OSBPL9: variants seen among roughly 807,000 people sequenced by gnomAD.
The protein encoded by OSBPL9 is oxysterol-binding protein-related protein 9.
A neutral mutation model predicts 106.6 loss-of-function variants in OSBPL9; 40 were observed. The ratio of observed to expected loss-of-function variants is 0.38; its 90% CI spans 0.29 to 0.49. The LOEUF (loss-of-function observed/expected upper bound fraction) is 0.49. Ranked by LOEUF, OSBPL9 falls within the 20% of genes least tolerant of loss-of-function variation. The pLI is 0.97. For synonymous variants in OSBPL9, 269 were observed against 295.4 expected, an observed-to-expected ratio of 0.91 and a Z score of 0.92; for missense variants, 609 against 887.2, an observed-to-expected ratio of 0.69 and a Z score of 3.98.
intron 2 of OSBPL9, among the ~76,000 whole-genome samples, chr1:51,600,983 A>C (rs1046071188): frequency 6.6e-6 from 1 of 152,220 alleles, no homozygotes; most frequent in African/African-American, 2.4e-5. Flanking sequence ...AATTCAGATC[A>C]GGAAGGATTA....
intron 4 of OSBPL9, among the ~76,000 whole-genome samples, chr1:51,731,271 C>T (rs575854004): frequency 7.3e-5 from 11 of 151,472 alleles, no homozygotes; most frequent in Non-Finnish European, 1.2e-4. Context: ...ACCTTCCCCC[C>T]GCCCCTGCCC....
chr1:51,704,151 A>C (rs1458487671), intron 3 of OSBPL9, among the ~76,000 whole-genome samples: 1 of 152,194 alleles, frequency 6.6e-6, no homozygotes, highest in African/African-American at 2.4e-5. Context: ...CTGGCCTCAT[A>C]AAATGAGTTA....
chr1:51,771,534 A>G (rs2149105583), intron 12 of OSBPL9, among the ~76,000 whole-genome samples: 1 of 152,320 alleles, frequency 6.6e-6, no homozygotes, highest in South Asian at 2.1e-4. Flanking sequence ...TTATGATCAC[A>G]GGTATGATAA....
In OSBPL9 at chr1:51,777,790, T is replaced by A. The variant is rs183193319; in HGVS notation, c.1256+872T>A. The stretch of plus-strand genomic sequence containing the variant: ...AAGCAAAAATGGAACGTACCAGTTG[T>A]TCATTGGGTATAGATTTGAGATTTA... On this transcript the variant is annotated intron_variant, in intron 15 of 23. Coordinates refer to ENST00000428468, the MANE Select transcript of OSBPL9 (RefSeq NM_024586.6). Among the ~76,000 whole-genome samples the A allele has an allele frequency of 4.7e-4, 71 of 152,260 alleles. 3 individuals are homozygous for A. In the South Asian group the frequency reaches 0.012, roughly 25 times the overall value.
At chr1:51,671,624 T>G (rs1649894382) in intron 3 of OSBPL9, among the ~76,000 whole-genome samples, 1 of 151,992 alleles carries the variant, frequency 6.6e-6, no homozygotes. Context: ...ATCAACACGA[T>G]CAACATGATA....
intron 12 of OSBPL9, among the ~76,000 whole-genome samples, chr1:51,770,247 T>C (rs1673574522): frequency 6.6e-6 from 1 of 151,688 alleles, no homozygotes; most frequent in South Asian, 2.1e-4. Flanking sequence ...GTTCAAACGA[T>C]TCTCATGTCT....
At chr1:51,738,212 G>A (rs1219607626) in intron 4 of OSBPL9, among the ~76,000 whole-genome samples, 1 of 151,902 alleles carries the variant, frequency 6.6e-6, no homozygotes, top group Non-Finnish European at 1.5e-5. Context: ...TTTGTGTTTT[G>A]TTCTATAAGT....
chr1:51,535,259 A>G, the OSBPL9 span, among the ~76,000 whole-genome samples: 87,469 of 151,978 alleles, frequency 0.58, 26,623 homozygotes, highest in African/African-American at 0.72. Context: ...TTTCAGAAGA[A>G]CTCTAGGCAT....
intron 2 of OSBPL9, among the ~76,000 whole-genome samples, chr1:51,668,007 A>G (rs186610032): frequency 1.7e-3 from 260 of 152,340 alleles, no homozygotes; most frequent in African/African-American, 6.1e-3. Flanking sequence ...TGGGGAAGAA[A>G]TGAATAAATG....
chr1:51,656,439 C>A (rs187652165), intron 2 of OSBPL9, among the ~76,000 whole-genome samples: 2 of 152,146 alleles, frequency 1.3e-5, no homozygotes, highest in Admixed American at 6.5e-5. Flanking sequence ...CCTTTTCCCT[C>A]ACTGTGCTTC....
intron 1 of OSBPL9, among the ~76,000 whole-genome samples, chr1:51,629,892 T>G (rs890525434): frequency 6.6e-6 from 1 of 151,398 alleles, no homozygotes; most frequent in African/African-American, 2.4e-5. Flanking sequence ...GAGATTGCAG[T>G]GAGTCAAGAC....
chr1:51,775,705 G>T (rs889662555), intron 14 of OSBPL9, among the ~76,000 whole-genome samples: 5 of 152,076 alleles, frequency 3.3e-5, no homozygotes, highest in African/African-American at 9.7e-5. Flanking sequence ...CTGCCTCCTG[G>T]GTTCAAGTGA....
the OSBPL9 span, among the ~76,000 whole-genome samples, chr1:51,563,911 C>T: frequency 6.6e-6 from 1 of 151,622 alleles, no homozygotes; most frequent in East Asian, 1.9e-4. Flanking sequence ...GAGACCCCAT[C>T]CCTACCCCAA....
chr1:51,643,163 G>C (rs1645915873), intron 1 of OSBPL9, among the ~76,000 whole-genome samples: 1 of 152,120 alleles, frequency 6.6e-6, no homozygotes, highest in Non-Finnish European at 1.5e-5. Context: ...ACACTCCTGT[G>C]ATAGTGACAT....
chr1:51,618,992 A>G (rs1356502107), intron 1 of OSBPL9, among the ~76,000 whole-genome samples: 1 of 152,190 alleles, frequency 6.6e-6, no homozygotes, highest in Non-Finnish European at 1.5e-5. Context: ...CTTTCTCTAC[A>G]TAGTTTTTAA....
At chr1:51,603,251 TTTG>T (rs1254064537) in intron 2 of OSBPL9, among the ~76,000 whole-genome samples, 1 of 152,248 alleles carries the variant, frequency 6.6e-6, no homozygotes, top group Non-Finnish European at 1.5e-5. Flanking sequence ...AGTTCCTGCT[TTTG>T]TTAACTAGCA....
upstream of OSBPL9, among the ~76,000 whole-genome samples, chr1:51,574,271 A>G (rs1645170286): frequency 6.6e-6 from 1 of 152,014 alleles, no homozygotes; most frequent in Non-Finnish European, 1.5e-5. Flanking sequence ...ATCCTACTTC[A>G]CCCTCCTCCA....
At chr1:51,717,157 C>T (rs931696976) in intron 4 of OSBPL9, among the ~76,000 whole-genome samples, 1 of 151,840 alleles carries the variant, frequency 6.6e-6, no homozygotes, top group African/African-American at 2.4e-5. Context: ...TGTAGAGATG[C>T]GGTTTTGCCA....
the OSBPL9 span, among the ~76,000 whole-genome samples, chr1:51,523,558 G>A: frequency 6.6e-6 from 1 of 152,116 alleles, no homozygotes; most frequent in East Asian, 1.9e-4. Context: ...CGGGTCTTCT[G>A]ATTCAAATGC....
Sources: allele counts gnomAD v4.1 joint callset (sites outside exome capture counted in the v4.1 genomes callset), GRCh38; gene constraint gnomAD v4.1.1; transcripts MANE v1.5; gene names NCBI Gene and HGNC (gene_info 2026-07-23, HGNC 2026-07-21).